USP53: variants seen among roughly 807,000 people sequenced by gnomAD.
USP53 encodes the protein ubiquitin carboxyl-terminal hydrolase 53.
In USP53, 71 loss-of-function variants were observed where a neutral mutation model predicts 94.9. The ratio of observed to expected loss-of-function variants is 0.75; its 90% CI spans 0.62 to 0.91. The LOEUF (loss-of-function observed/expected upper bound fraction) is 0.91, where lower values mean the gene tolerates loss of function less well. Ranked by LOEUF, USP53 falls within the 40% of genes least tolerant of loss-of-function variation. The pLI is 0.00. For synonymous variants in USP53, 375 were observed against 422.7 expected (o/e 0.89, Z 1.39); for missense variants, 1,173 against 1,281.0 (o/e 0.92, Z 1.29).
intron 11 of USP53, 92 bp downstream of exon 11, chr4:119,260,745 CA>C (rs889530536): frequency 2.1e-6 from 3 of 1,456,304 alleles, no homozygotes; most frequent in African/African-American, 2.8e-5. Flanking sequence ...CAAGTTTAAT[CA>C]AATCAGGCTA....
intron 3 of USP53, among the ~76,000 whole-genome samples, chr4:119,230,433 A>T (rs1285733153): frequency 6.6e-6 from 1 of 152,106 alleles, no homozygotes; most frequent in Non-Finnish European, 1.5e-5. Context: ...TCTGGTCATG[A>T]GTGTTTACAA....
In USP53 at chr4:119,293,404, C is replaced by G; in HGVS notation, c.*193C>G. 1.7e-6 allele frequency: 1 copy of G among 597,114 alleles called. No homozygotes were observed. Among genetic ancestry groups the G allele is most frequent in the Non-Finnish European group, 2.8e-6 (1 of 357,542 alleles). 37.0% of individuals were successfully genotyped at this position (597,114 alleles called of 1,614,324 possible). On this transcript the variant is annotated 3_prime_UTR_variant, in exon 19 of 19. Coordinates refer to ENST00000692078, the MANE Select transcript of USP53 (RefSeq NM_001371395.1). ...TGATACATAAAATTAAAGCCTGTGG[C>G]ATTTTTAAAGTTGTTAATCACTATA...
chr4:119,234,821 C>T (rs926560336), intron 3 of USP53, among the ~76,000 whole-genome samples: 1 of 152,096 alleles, frequency 6.6e-6, no homozygotes, highest in African/African-American at 2.4e-5. Context: ...CAACAGATAC[C>T]ACAATCCATG....
rs1249269022 is a variant in USP53, at chr4:119,295,104, T to C, written c.*1893T>C. ...GTATTATTTGAAACATTTAAACTAA[T>C]TTTTGTATTTAACAGCAGTCTCAGA... On this transcript the variant is annotated 3_prime_UTR_variant, in exon 19 of 19. Transcript: ENST00000692078. 6.6e-6 allele frequency: 1 copy of C among 152,166 alleles called. No homozygotes were observed. Among genetic ancestry groups the C allele is most frequent in the African/African-American group, 2.4e-5 (1 of 41,460 alleles). 9.4% of individuals were successfully genotyped at this position (152,166 alleles called of 1,614,324 possible). A position where few individuals can be genotyped will look rare whatever the true frequency, so the allele number is the denominator to read the frequency against.
intron 5 of USP53, among the ~76,000 whole-genome samples, chr4:119,241,867 C>A (rs1312863111): frequency 8.5e-5 from 13 of 152,132 alleles, no homozygotes; most frequent in Admixed American, 8.5e-4. Context: ...TCCAGTTGTT[C>A]CACAGCTTAC....
intron 7 of USP53, 122 bp from the exon 8 acceptor site, chr4:119,256,124 A>G: frequency 1.5e-6 from 1 of 655,096 alleles, no homozygotes; most frequent in Non-Finnish European, 2.5e-6. Context: ...AAAGCTGAAA[A>G]GCTAACAATA....
At chr4:119,229,852 A>G (rs912194620) in intron 3 of USP53, among the ~76,000 whole-genome samples, 4 of 152,080 alleles carry the variant, frequency 2.6e-5, no homozygotes, top group South Asian at 2.1e-4. Context: ...TTTGCCACCT[A>G]TTAGATAAAG....
chr4:119,271,941 T>C lies in USP53; in HGVS notation c.2081T>C (p.Ile694Thr), dbSNP rs1277953460. 1 of 1,613,980 alleles carries C rather than the reference T, an allele frequency of 6.2e-7. No individual in the cohort carries two copies. Among genetic ancestry groups the C allele is most frequent in the Non-Finnish European group, 8.5e-7 (1 of 1,180,010 alleles). ...TCTGGATATGAAAGCAGTGATCACATCAGTAATGGTTCTACTAATTTGGAC... is the reference window on the plus strand; with the variant it reads ...TCTGGATATGAAAGCAGTGATCACACCAGTAATGGTTCTACTAATTTGGAC... ...TESGYESSDH[I>T]SNGSTNLDSP... Residue 694 changes from isoleucine to threonine, a missense_variant, in exon 16 of 19, where the codon ATC (isoleucine) becomes ACC (threonine). Ile to Thr is a moderately conservative substitution (Grantham distance 89). Coordinates refer to ENST00000692078, the MANE Select transcript of USP53 (RefSeq NM_001371395.1).
intron 17 of USP53, among the ~76,000 whole-genome samples, chr4:119,289,246 A>G (rs1754466722): frequency 6.6e-6 from 1 of 152,230 alleles, no homozygotes; most frequent in South Asian, 2.1e-4. Flanking sequence ...TGTTTCATCA[A>G]GCATTCTTTA....
intron 12 of USP53, 43 bp from the exon 13 acceptor site, chr4:119,267,277 A>G (rs777862535): frequency 5.7e-6 from 9 of 1,581,160 alleles, no homozygotes; most frequent in Non-Finnish European, 7.7e-6. Flanking sequence ...CACATTGATT[A>G]CAAGGTTTTG....
chr4:119,274,254 C>T (rs1170431821), intron 17 of USP53, among the ~76,000 whole-genome samples: 2 of 125,712 alleles, frequency 1.6e-5, no homozygotes, highest in Non-Finnish European at 3.3e-5. Flanking sequence ...CCCCTCCCCC[C>T]ACCCCACCGC....
At chr4:119,246,354 G>GA (rs1342466460) in intron 6 of USP53, among the ~76,000 whole-genome samples, 2 of 152,200 alleles carry the variant, frequency 1.3e-5, no homozygotes, top group Non-Finnish European at 2.9e-5. Context: ...GAGCCACCAT[G>GA]ATGAGGAAGC....
At chr4:119,227,894 A>C (rs1745540751) in intron 3 of USP53, among the ~76,000 whole-genome samples, 1 of 152,238 alleles carries the variant, frequency 6.6e-6, no homozygotes, top group South Asian at 2.1e-4. Context: ...CTCAGTAATA[A>C]GGAATGTACA....
At chr4:119,241,244 T>C (rs1747488909) in intron 5 of USP53, among the ~76,000 whole-genome samples, 1 of 152,190 alleles carries the variant, frequency 6.6e-6, no homozygotes, top group Admixed American at 6.5e-5. Flanking sequence ...GTGATGTATT[T>C]TTTTTAAGAA....
chr4:119,291,026 A>AT (rs1754697847), intron 17 of USP53, 139 bp from the exon 18 acceptor site: 3 of 516,936 alleles, frequency 5.8e-6, no homozygotes, highest in African/African-American at 2.1e-5. Context: ...TAAAGAATTC[A>AT]TTTTTTTAAA....
Position 119,239,901 on chromosome 4 carries a change from C to A in USP53, c.142C>A (p.Gln48Lys). 1 of 1,492,240 alleles carries A rather than the reference C, an allele frequency of 6.7e-7. No individual in the cohort carries two copies. The highest frequency in any genetic ancestry group is 1.4e-5 in the South Asian group (1 of 69,812). The allele number at this position is 1,492,240 out of a possible 1,614,324, so 92.4% of individuals were successfully genotyped here. A position where few individuals can be genotyped will look rare whatever the true frequency, so the allele number is the denominator to read the frequency against. ...QNSCFLNSAVQVLWQLDIFRR... is the reference protein window; with the variant it reads ...QNSCFLNSAVKVLWQLDIFRR... ...CAGCTGCTTTCTTAATAGCGCTGTACAGGTGAGACCATAATTACTTATTAC... is the reference window on the plus strand; with the variant it reads ...CAGCTGCTTTCTTAATAGCGCTGTAAAGGTGAGACCATAATTACTTATTAC... The change falls in exon 5 of 19, where the codon CAG (glutamine) becomes AAG (lysine). Residue 48 changes from glutamine to lysine, a missense_variant and splice_region_variant. Physicochemically the swap from Gln to Lys is moderately conservative, Grantham distance 53. Transcript: ENST00000692078.
At chr4:119,233,102 A>G (rs1218056202) in intron 3 of USP53, among the ~76,000 whole-genome samples, 3 of 151,210 alleles carry the variant, frequency 2.0e-5, no homozygotes, top group Non-Finnish European at 4.4e-5. Flanking sequence ...ATAAAGTAAT[A>G]TTCTTACCAT....
intron 17 of USP53, among the ~76,000 whole-genome samples, chr4:119,279,971 C>T (rs1264675550): frequency 2.0e-5 from 3 of 152,184 alleles, no homozygotes; most frequent in African/African-American, 4.8e-5. Context: ...GCACACGGTG[C>T]GCACACCCAC....
intron 17 of USP53, among the ~76,000 whole-genome samples, chr4:119,274,768 G>C (rs1752377164): frequency 6.8e-6 from 1 of 147,208 alleles, no homozygotes; most frequent in Non-Finnish European, 1.5e-5. Context: ...GTTGTTTCCT[G>C]ACTTTTTAAT....
Sources: gnomAD v4.1 joint callset for allele counts (sites outside exome capture counted in the v4.1 genomes callset) on GRCh38, gnomAD v4.1.1 for gene constraint, MANE v1.5 for transcripts, NCBI Gene and HGNC (gene_info 2026-07-23, HGNC 2026-07-21) for gene names.